LTBP1: variants seen among roughly 807,000 people sequenced by gnomAD.
LTBP1 encodes latent-transforming growth factor beta-binding protein 1.
LTBP1 carries 129 observed loss-of-function variants against 207.6 expected under a neutral mutation model. The ratio of observed to expected loss-of-function variants is 0.62; its 90% CI spans 0.54 to 0.72. LTBP1 has a LOEUF of 0.72. LTBP1 is among the 30% of genes least tolerant of loss of function. The probability of loss-of-function intolerance (pLI) is 0.00; values close to 1 mark genes in which losing one functional copy is unlikely to be tolerated. For missense variants in LTBP1, 2,281 were observed against 2,217.2 expected (o/e 1.03, Z -0.58); for synonymous variants, 963 against 833.7 (o/e 1.16, Z -2.67).
At chr2:33,317,809 C>G (rs1377361212) in intron 24 of LTBP1, 1 of 152,204 alleles carries the variant, frequency 6.6e-6, no homozygotes, top group Non-Finnish European at 1.5e-5. Flanking sequence ...TCCCTGATTT[C>G]CCGTGACTTG....
At chr2:33,093,698 A>G (rs1443067355) in intron 3 of LTBP1, among the ~76,000 whole-genome samples, 1 of 152,174 alleles carries the variant, frequency 6.6e-6, no homozygotes, top group Non-Finnish European at 1.5e-5. Context: ...GTTTAAAAAT[A>G]ACAATGATTT....
chr2:33,370,546 A>G (rs1193972331), intron 31 of LTBP1, among the ~76,000 whole-genome samples: 1 of 152,256 alleles, frequency 6.6e-6, no homozygotes, highest in Non-Finnish European at 1.5e-5. Context: ...ATCTAATAGC[A>G]TCTAACTTTA....
chr2:33,334,387 A>G (rs556102330), intron 24 of LTBP1, among the ~76,000 whole-genome samples: 1 of 152,312 alleles, frequency 6.6e-6, no homozygotes, highest in African/African-American at 2.4e-5. Context: ...TCATTAGGTA[A>G]ATTATTCTGT....
intron 26 of LTBP1, among the ~76,000 whole-genome samples, chr2:33,350,648 A>G (rs1166732220): frequency 6.6e-6 from 1 of 152,196 alleles, no homozygotes; most frequent in East Asian, 1.9e-4. Context: ...TTTGGCCACT[A>G]ATTTACATTG....
intron 5 of LTBP1, among the ~76,000 whole-genome samples, chr2:33,141,618 C>T (rs1388539654): frequency 4.6e-5 from 7 of 151,990 alleles, no homozygotes; most frequent in Non-Finnish European, 1.0e-4. Context: ...TGGTGGAAGG[C>T]GTGGTTGCTA....
At chr2:33,176,230 A>G (rs200713997) in intron 5 of LTBP1, among the ~76,000 whole-genome samples, 16 of 98,190 alleles carry the variant, frequency 1.6e-4, no homozygotes, top group African/African-American at 3.4e-4. Context: ...TAATTAATCT[A>G]TTTATTTATT....
intron 3 of LTBP1, among the ~76,000 whole-genome samples, chr2:33,030,777 G>T (rs1438650548): frequency 1.3e-5 from 2 of 152,288 alleles, no homozygotes; most frequent in East Asian, 3.9e-4. Context: ...TCTGTCAAAT[G>T]AGTCTTTAAT....
At chr2:33,307,484 G>A (rs2094116830) in intron 22 of LTBP1, among the ~76,000 whole-genome samples, 1 of 152,174 alleles carries the variant, frequency 6.6e-6, no homozygotes. Context: ...GATACACACA[G>A]CAACTTGGGT....
In LTBP1 at chr2:33,355,956, A is replaced by G. The variant is rs533850330; in HGVS notation, c.4001-4641A>G. 8.0e-5 allele frequency among the ~76,000 whole-genome samples: 12 copies of G among 150,814 alleles called. No homozygotes were observed. In the East Asian group the frequency reaches 1.9e-3, roughly 24 times the overall value. On this transcript the variant is annotated intron_variant, in intron 26 of 33. Transcript: ENST00000404816. ...TTGTGCTTTTTTTTTTCTAAACTTC[A>G]CTTTGACTGCTTTGGCATGTTTTAC...
chr2:33,046,563 G>A (rs1272107554), intron 3 of LTBP1, among the ~76,000 whole-genome samples: 1 of 152,106 alleles, frequency 6.6e-6, no homozygotes, highest in African/African-American at 2.4e-5. Context: ...AGGGATATTG[G>A]CCTGAAATTT....
intron 3 of LTBP1, among the ~76,000 whole-genome samples, chr2:33,048,601 T>TA (rs1410109948): frequency 6.6e-6 from 1 of 152,222 alleles, no homozygotes; most frequent in African/African-American, 2.4e-5. Flanking sequence ...TCAACCTGTA[T>TA]AATAGTCGAC....
chr2:33,239,150 G>A (rs187015427), intron 9 of LTBP1, among the ~76,000 whole-genome samples: 1 of 152,316 alleles, frequency 6.6e-6, no homozygotes, highest in East Asian at 1.9e-4. Flanking sequence ...AGGCTATACA[G>A]GCAGAGATAC....
chr2:33,256,954 G>T (rs1433315228), intron 11 of LTBP1, among the ~76,000 whole-genome samples: 2 of 149,794 alleles, frequency 1.3e-5, no homozygotes, highest in East Asian at 3.9e-4. Context: ...ATCCCTCATG[G>T]ATACTGAGGA....
chr2:33,175,014 A>G (rs1183713636), intron 5 of LTBP1, among the ~76,000 whole-genome samples: 11 of 152,130 alleles, frequency 7.2e-5, no homozygotes, highest in Admixed American at 3.9e-4. Flanking sequence ...ATTCAAGATG[A>G]ATTAAAGACT....
intron 3 of LTBP1, among the ~76,000 whole-genome samples, chr2:33,072,295 C>T (rs11896458): frequency 0.16 from 23,975 of 152,208 alleles, 2,200 homozygotes; most frequent in East Asian, 0.34. Context: ...CCTCCAGGCA[C>T]CTCCACATGT....
chr2:32,997,182 G>T (rs937218442), intron 2 of LTBP1, among the ~76,000 whole-genome samples: 6 of 152,044 alleles, frequency 3.9e-5, no homozygotes, highest in African/African-American at 1.4e-4. Context: ...ACTGCACCCG[G>T]CCTGGATGGA....
intron 26 of LTBP1, among the ~76,000 whole-genome samples, chr2:33,358,289 T>C (rs901496625): frequency 6.6e-6 from 1 of 152,038 alleles, no homozygotes; most frequent in Non-Finnish European, 1.5e-5. Flanking sequence ...AAATAATCTC[T>C]TTCTCCAAAA....
At chr2:33,335,650 TGA>T (rs1559030642) in intron 24 of LTBP1, among the ~76,000 whole-genome samples, 4 of 152,212 alleles carry the variant, frequency 2.6e-5, no homozygotes, top group Admixed American at 6.5e-5. Context: ...TCCTGTGCTG[TGA>T]GAGAGACCTT....
chr2:32,995,479 A>G (rs1275975270), intron 2 of LTBP1, among the ~76,000 whole-genome samples: 1 of 152,086 alleles, frequency 6.6e-6, no homozygotes, highest in Non-Finnish European at 1.5e-5. Context: ...CTCTAGTGAT[A>G]CTTATAAGAA....
Sources: allele counts gnomAD v4.1 joint callset (sites outside exome capture counted in the v4.1 genomes callset), GRCh38; gene constraint gnomAD v4.1.1; transcripts MANE v1.5; gene names NCBI Gene and HGNC (gene_info 2026-07-23, HGNC 2026-07-21).